Variants in ZNF407 observed in about 807,000 individuals in gnomAD.
The protein encoded by ZNF407 is zinc finger protein 407.
ZNF407 carries 17 observed loss-of-function variants against 131.2 expected under a neutral mutation model. That is an observed-to-expected ratio of 0.13 (90% CI 0.09 to 0.19). ZNF407 has a LOEUF of 0.19. ZNF407 is among the 10% of genes least tolerant of loss of function. ZNF407 has a pLI of 1.00. For missense variants in ZNF407, 2,681 were observed against 2,830.6 expected (o/e 0.95, Z 1.20); for synonymous variants, 1,156 against 1,062.0 (o/e 1.09, Z -1.72).
chr18:74,839,702 T>A (rs1011439860), intron 4 of ZNF407, among the ~76,000 whole-genome samples: 4 of 152,172 alleles, frequency 2.6e-5, no homozygotes, highest in African/African-American at 9.7e-5. Flanking sequence ...CTAAGCAGTG[T>A]GGATACCCAC....
intron 4 of ZNF407, among the ~76,000 whole-genome samples, chr18:74,820,157 C>T (rs1351814528): frequency 1.3e-5 from 2 of 152,138 alleles, no homozygotes; most frequent in African/African-American, 4.8e-5. Flanking sequence ...AGTTGGAAGA[C>T]AGGACTGGAA....
chr18:74,729,643 A>G (rs920860222), intron 3 of ZNF407, among the ~76,000 whole-genome samples: 2 of 152,206 alleles, frequency 1.3e-5, no homozygotes, highest in African/African-American at 4.8e-5. Context: ...AAGTTCATTC[A>G]TAAAATGTGT....
At chr18:74,893,104 C>T (rs1971407990) in intron 7 of ZNF407, among the ~76,000 whole-genome samples, 1 of 152,124 alleles carries the variant, frequency 6.6e-6, no homozygotes, top group African/African-American at 2.4e-5. Flanking sequence ...AAGTTATCTC[C>T]CTGAAATAGC....
chr18:74,785,848 A>G (rs971187003), intron 4 of ZNF407, among the ~76,000 whole-genome samples: 4 of 151,618 alleles, frequency 2.6e-5, no homozygotes, highest in East Asian at 1.9e-4. Flanking sequence ...TGGCATGCAC[A>G]TGGCCCACAT....
intron 6 of ZNF407, among the ~76,000 whole-genome samples, chr18:74,883,694 C>T (rs892696967): frequency 6.6e-6 from 1 of 152,138 alleles, no homozygotes; most frequent in South Asian, 2.1e-4. Context: ...TTCCATGAGA[C>T]GCGGTCAGCC....
chr18:74,800,833 G>A (rs1419114641), intron 4 of ZNF407, among the ~76,000 whole-genome samples: 1 of 152,026 alleles, frequency 6.6e-6, no homozygotes, highest in Non-Finnish European at 1.5e-5. Flanking sequence ...GACTTCATTT[G>A]TCAGTGATTT....
At chr18:74,939,800 A>G (rs183072625) in intron 8 of ZNF407, among the ~76,000 whole-genome samples, 1 of 152,352 alleles carries the variant, frequency 6.6e-6, no homozygotes, top group East Asian at 1.9e-4. Context: ...GATAGAAATT[A>G]AAGACCTGCT....
intron 8 of ZNF407, among the ~76,000 whole-genome samples, chr18:75,045,943 G>A (rs958373501): frequency 5.9e-5 from 9 of 152,030 alleles, no homozygotes; most frequent in African/African-American, 9.7e-5. Flanking sequence ...CATTATCTTC[G>A]TGAATAGGTA....
At chr18:74,954,217 C>T (rs1972250139) in intron 8 of ZNF407, among the ~76,000 whole-genome samples, 1 of 152,144 alleles carries the variant, frequency 6.6e-6, no homozygotes, top group African/African-American at 2.4e-5. Context: ...TTAAGATAAT[C>T]TCAAAAACCA....
At chr18:75,011,462 G>A (rs773202934) in intron 8 of ZNF407, among the ~76,000 whole-genome samples, 16 of 152,068 alleles carry the variant, frequency 1.1e-4, no homozygotes, top group Non-Finnish European at 2.1e-4. Context: ...TCTTACAAAT[G>A]AACATTTGGG....
At chr18:74,814,634 A>C (rs1188120348) in intron 4 of ZNF407, among the ~76,000 whole-genome samples, 1 of 152,250 alleles carries the variant, frequency 6.6e-6, no homozygotes, top group Non-Finnish European at 1.5e-5. Flanking sequence ...TATGAGAAAC[A>C]GAAGAAGATA....
chr18:75,056,762 C>T (rs1307117684), intron 8 of ZNF407, among the ~76,000 whole-genome samples: 2 of 152,142 alleles, frequency 1.3e-5, no homozygotes, highest in Admixed American at 1.3e-4. Flanking sequence ...TCGGTGACTG[C>T]TATTGTAAGA....
chr18:74,630,881 A>C (rs1179433318), intron 1 of ZNF407, 86 bp from the exon 2 acceptor site: 3 of 1,047,138 alleles, frequency 2.9e-6, no homozygotes, highest in Non-Finnish European at 4.0e-6. Context: ...ATTGGGGCTA[A>C]CTTCATGATA....
chr18:74,631,491 G>A lies in ZNF407; in HGVS notation c.472G>A (p.Val158Ile). The A allele has an allele frequency of 6.2e-7, 1 of 1,613,942 alleles. No homozygotes were observed. The highest frequency in any genetic ancestry group is 1.1e-5 in the South Asian group (1 of 91,082). ...TGAAAAAACATCTGCTCAGGAAATGGTTTCCCTTGATCTGGAAAGAGAATC... is the reference window on the plus strand; with the variant it reads ...TGAAAAAACATCTGCTCAGGAAATGATTTCCCTTGATCTGGAAAGAGAATC... ...DTEKTSAQEM[V>I]SLDLERESPF... The change falls in exon 2 of 9, where the codon GTT becomes ATT. Residue 158 changes from valine to isoleucine, a missense_variant. Around this residue, in one of 6 missense-constraint regions of ZNF407, gnomAD observed 1,789 missense variants for 1,748.7 expected, o/e 1.02. Transcript: ENST00000299687.
At position 74,852,630 on chromosome 18, in the gene ZNF407, A is replaced by G. The variant is rs371224670; in HGVS notation, c.4878-24567A>G. 2.5e-4 allele frequency among the ~76,000 whole-genome samples: 38 copies of G among 152,154 alleles called. No homozygotes were observed. The South Asian group carries it at 2.7e-3, about 11-fold the overall frequency. On this transcript the variant is annotated intron_variant, in intron 4 of 8. Transcript: ENST00000299687. ...ACATTAAACATGATTTCATTTCTTCACTTTCTTATAATATCAAATATCTGT... is the reference window on the plus strand; with the variant it reads ...ACATTAAACATGATTTCATTTCTTCGCTTTCTTATAATATCAAATATCTGT...
intron 6 of ZNF407, among the ~76,000 whole-genome samples, chr18:74,888,547 C>T (rs907024001): frequency 2.0e-5 from 3 of 152,020 alleles, no homozygotes; most frequent in Non-Finnish European, 2.9e-5. Context: ...AATATATGAT[C>T]TATATTTAGA....
At chr18:74,850,029 A>G (rs933353778) in intron 4 of ZNF407, among the ~76,000 whole-genome samples, 1 of 152,198 alleles carries the variant, frequency 6.6e-6, no homozygotes, top group Non-Finnish European at 1.5e-5. Flanking sequence ...AGCCCCATTC[A>G]TGAAATTATA....
Position 75,064,543 on chromosome 18 carries a change from G to A in ZNF407, c.*75G>A. 7.7e-7 allele frequency: 1 copy of A among 1,294,134 alleles called. No homozygotes were observed. The highest frequency in any genetic ancestry group is 1.0e-6 in the Non-Finnish European group (1 of 962,760). 80.2% of individuals were successfully genotyped at this position (1,294,134 alleles called of 1,614,324 possible). A position where few individuals can be genotyped will look rare whatever the true frequency, so the allele number is the denominator to read the frequency against. On this transcript the variant is annotated 3_prime_UTR_variant, in exon 9 of 9. Coordinates refer to ENST00000299687, the MANE Select transcript of ZNF407 (RefSeq NM_017757.3). ...TTCGGTGGGGGACCGTGTTCCCTGA[G>A]CTTCATCTGAAACCTTCAAAACCAT...
intron 7 of ZNF407, among the ~76,000 whole-genome samples, chr18:74,910,212 CACTT>C (rs1029314580): frequency 1.3e-5 from 2 of 151,988 alleles, no homozygotes; most frequent in Non-Finnish European, 1.5e-5. Context: ...TAGTGATAGA[CACTT>C]ACGCATATGA....
Sources: gnomAD v4.1 joint callset for allele counts (sites outside exome capture counted in the v4.1 genomes callset) on GRCh38, gnomAD v4.1.1 for gene constraint, gnomAD v4.1.1 regional missense constraint, MANE v1.5 for transcripts, NCBI Gene and HGNC (gene_info 2026-07-23, HGNC 2026-07-21) for gene names.